FMNL3: variants seen among roughly 807,000 people sequenced by gnomAD.
The protein encoded by FMNL3 is formin like 3, also known as formin-like protein 3.
FMNL3 carries 57 observed loss-of-function variants against 119.6 expected under a neutral mutation model. The ratio of observed to expected loss-of-function variants is 0.48; its 90% CI spans 0.39 to 0.59. The LOEUF (loss-of-function observed/expected upper bound fraction) is 0.59. FMNL3 is among the 20% of genes least tolerant of loss of function. FMNL3 has a pLI of 0.00. For synonymous variants in FMNL3, 491 were observed against 507.3 expected, an observed-to-expected ratio of 0.97 and a Z score of 0.43; for missense variants, 1,053 against 1,323.5, an observed-to-expected ratio of 0.80 and a Z score of 3.17.
chr12:49,648,011 C>T (rs550059435), intron 22 of FMNL3, among the ~76,000 whole-genome samples, 182 bp downstream of exon 22: 8 of 152,056 alleles, frequency 5.3e-5, no homozygotes, highest in Non-Finnish European at 7.4e-5. Context: ...ACTCCCAAAG[C>T]GCTCTCTCTC....
chr12:49,639,813 G>A lies in FMNL3; in HGVS notation c.*6002C>T, dbSNP rs1322694670. On this transcript the variant is annotated 3_prime_UTR_variant, in exon 26 of 26. Coordinates refer to ENST00000335154, the MANE Select transcript of FMNL3 (RefSeq NM_175736.5). ...AGTGGATGATGGCACTATTGATAAG[G>A]ATAAAACAAGAAGAGCAAGGCTGTA... 6.6e-6 allele frequency: 1 copy of A among 152,194 alleles called. No individual in the cohort carries two copies. The highest frequency in any genetic ancestry group is 1.9e-4 in the East Asian group (1 of 5,200). The allele number at this position is 152,194 out of a possible 1,614,324, so 9.4% of individuals were successfully genotyped here.
chr12:49,636,790 C>T lies in FMNL3; in HGVS notation c.*9025G>A, dbSNP rs374081725. 3.0e-5 allele frequency: 49 copies of T among 1,614,062 alleles called. 1 individual carries two copies. In the South Asian group the frequency reaches 3.4e-4, roughly 11 times the overall value. ...TTTGGAGAGGGAAGAGGAGGAGGAACGGGAGCGGGCCCGGCTTCGGGAGCG... is the reference window on the plus strand; with the variant it reads ...TTTGGAGAGGGAAGAGGAGGAGGAATGGGAGCGGGCCCGGCTTCGGGAGCG... On this transcript the variant is annotated 3_prime_UTR_variant, in exon 26 of 26. Coordinates refer to ENST00000335154, the MANE Select transcript of FMNL3 (RefSeq NM_175736.5).
At chr12:49,698,930 G>C (rs1944827758) in intron 1 of FMNL3, among the ~76,000 whole-genome samples, 1 of 152,302 alleles carries the variant, frequency 6.6e-6, no homozygotes, top group African/African-American at 2.4e-5. Context: ...CTCACCTGCT[G>C]CTATTCAGAA....
At chr12:49,661,629 A>C in intron 5 of FMNL3, 1 of 251,282 alleles carries the variant, frequency 4.0e-6, no homozygotes, top group Non-Finnish European at 7.7e-6. Context: ...GATCCCACCA[A>C]GGCATCTCTA....
Position 49,642,545 on chromosome 12 carries a change from G to A in FMNL3, c.*3270C>T, listed in dbSNP as rs1383597983. ...CGGTGTCCAGGCCAGGCTGAGTGGG[G>A]CCTAGTCTGATCAGCAGTGCTCTCC... On this transcript the variant is annotated 3_prime_UTR_variant, in exon 26 of 26. Transcript: ENST00000335154. This position sits in a 1 kb window ranked among gnomAD's most constrained non-coding sequence, Gnocchi z 5.8. 1.2e-6 allele frequency: 2 copies of A among 1,610,900 alleles called. No individual in the cohort carries two copies. The highest frequency in any genetic ancestry group is 3.3e-5 in the Admixed American group (2 of 59,980).
At chr12:49,682,992 G>A (rs1156490637) in intron 1 of FMNL3, among the ~76,000 whole-genome samples, 1 of 152,258 alleles carries the variant, frequency 6.6e-6, no homozygotes, top group Non-Finnish European at 1.5e-5. Context: ...TATCTCTAGT[G>A]TTCCCGCCTC....
chr12:49,686,108 T>C lies in FMNL3; in HGVS notation c.127-17554A>G, dbSNP rs117229263. Among the ~76,000 whole-genome samples, 199 of 151,810 alleles carry C rather than the reference T, an allele frequency of 1.3e-3. 2 individuals are homozygous for C. In the East Asian group the frequency reaches 0.029, roughly 22 times the overall value. On this transcript the variant is annotated intron_variant, in intron 1 of 25. Coordinates refer to ENST00000335154, the MANE Select transcript of FMNL3 (RefSeq NM_175736.5). ...AAATTCTATTTAAAATGTTTTGGTT[T>C]TTGGAAGGGGAGGGTTTGAGACAGG...
intron 1 of FMNL3, among the ~76,000 whole-genome samples, chr12:49,687,211 A>C (rs776620193): frequency 2.1e-4 from 31 of 150,338 alleles, no homozygotes; most frequent in Non-Finnish European, 4.0e-4. Context: ...CTGCTGCCTC[A>C]GCCTCCCAAG....
In FMNL3 at chr12:49,643,061, T is replaced by C. The variant is rs1401996349; in HGVS notation, c.*2754A>G. 1 of 1,605,648 alleles carries C rather than the reference T, an allele frequency of 6.2e-7. No individual in the cohort carries two copies. Among genetic ancestry groups the C allele is most frequent in the Non-Finnish European group, 8.5e-7 (1 of 1,173,326 alleles). ...GGACATGGGGTGAAGCTGGGTTGTT[T>C]TGGGGAAATAAACACTTTGTTTTCC... is the stretch of plus-strand genomic sequence containing the variant. On this transcript the variant is annotated 3_prime_UTR_variant, in exon 26 of 26. Coordinates refer to ENST00000335154, the MANE Select transcript of FMNL3 (RefSeq NM_175736.5).
intron 4 of FMNL3, among the ~76,000 whole-genome samples, chr12:49,665,491 G>A (rs1170827797): frequency 6.6e-6 from 1 of 152,158 alleles, no homozygotes; most frequent in Non-Finnish European, 1.5e-5. Flanking sequence ...CCCACCCTCA[G>A]CCTTCTCTGA....
chr12:49,693,408 C>T lies in FMNL3; in HGVS notation c.126+13647G>A, dbSNP rs200498550. Among the ~76,000 whole-genome samples, 11 of 151,468 alleles carry T rather than the reference C, an allele frequency of 7.3e-5. No homozygotes were observed. The East Asian group carries it at 1.9e-3, about 27-fold the overall frequency. On this transcript the variant is annotated intron_variant, in intron 1 of 25. Transcript: ENST00000335154. ...TGTTGTTTTTTTTTTGAGATAGTCT[C>T]GCTCTGTCACCCAGGCTGGAGTACA...
Position 49,657,967 on chromosome 12 carries a change from G to A in FMNL3, c.605+475C>T, listed in dbSNP as rs550215291. On this transcript the variant is annotated intron_variant, in intron 6 of 25. Coordinates refer to ENST00000335154, the MANE Select transcript of FMNL3 (RefSeq NM_175736.5). ...AGCATGTGGCAGCCTCAGAGAGAAA[G>A]GCCTGAAGGAAGAGGTGAAGGGAAT... is the stretch of plus-strand genomic sequence containing the variant. Among the ~76,000 whole-genome samples, 5 of 152,266 alleles carry A rather than the reference G, an allele frequency of 3.3e-5. No homozygotes were observed. In the South Asian group the frequency reaches 1.0e-3, roughly 32 times the overall value.
rs759590657 is a variant in FMNL3, at chr12:49,645,773, T to C, written c.*42A>G. ...ATTCCAGGTCCACTGGTTGGACTTG[T>C]AGGACTCTGAGGGGTGAAGTGCTTC... On this transcript the variant is annotated 3_prime_UTR_variant, in exon 26 of 26. Coordinates refer to ENST00000335154, the MANE Select transcript of FMNL3 (RefSeq NM_175736.5). 9.0e-6 allele frequency: 14 copies of C among 1,548,240 alleles called. No homozygotes were observed. The highest frequency in any genetic ancestry group is 1.7e-4 in the Middle Eastern group (1 of 5,878).
At chr12:49,668,172 G>GC (rs1369685584) in intron 2 of FMNL3, among the ~76,000 whole-genome samples, 2 of 152,166 alleles carry the variant, frequency 1.3e-5, no homozygotes, top group Non-Finnish European at 2.9e-5. Flanking sequence ...ACCCTACCGG[G>GC]CATAGCCCTG....
chr12:49,673,929 A>C (rs1479195450), intron 1 of FMNL3, among the ~76,000 whole-genome samples: 3 of 152,250 alleles, frequency 2.0e-5, no homozygotes, highest in Non-Finnish European at 4.4e-5. Flanking sequence ...GTTTGATCAA[A>C]GGTCCAAGAG....
At position 49,647,783 on chromosome 12, in the gene FMNL3, G is replaced by A. The variant is rs746495446; in HGVS notation, c.2698C>T (p.Arg900Cys). 3.2e-5 allele frequency: 51 copies of A among 1,613,330 alleles called. No homozygotes were observed. The Middle Eastern group carries it at 8.2e-4, about 26-fold the overall frequency. The change falls in exon 23 of 26, where the codon CGC (arginine) becomes TGC (cysteine). Residue 900 changes from arginine (R) to cysteine (C), a missense_variant. Arg to Cys is a radical substitution (Grantham distance 180). This residue lies in a region of FMNL3 where 324 missense variants were observed against 380.9 expected (regional missense o/e 0.85). Coordinates refer to ENST00000335154, the MANE Select transcript of FMNL3 (RefSeq NM_175736.5). The surrounding 1 kb of genome is among the most constrained non-coding windows in gnomAD (Gnocchi z 4.9). Reference protein sequence around the residue: ...TAEEAYNAVVRYFGESPKTTP... With the variant: ...TAEEAYNAVVCYFGESPKTTP... ...GTCTTGGGACTCTCGCCAAAGTAGC[G>A]CACAACTGCATTGTAGGCCTCCTGG...
chr12:49,669,217 C>G (rs1018657918), intron 1 of FMNL3, among the ~76,000 whole-genome samples: 4 of 152,168 alleles, frequency 2.6e-5, no homozygotes, highest in Non-Finnish European at 5.9e-5. Flanking sequence ...CACAAAAGTA[C>G]CAGACTTTAA....
intron 1 of FMNL3, among the ~76,000 whole-genome samples, chr12:49,675,433 C>G (rs1047106680): frequency 6.6e-6 from 1 of 152,192 alleles, no homozygotes; most frequent in African/African-American, 2.4e-5. Context: ...CTCCCTGCAG[C>G]CAACCAACGA....
At chr12:49,672,112 T>C (rs1433132356) in intron 1 of FMNL3, among the ~76,000 whole-genome samples, 1 of 152,216 alleles carries the variant, frequency 6.6e-6, no homozygotes, top group Non-Finnish European at 1.5e-5. Context: ...TGTGTCATGT[T>C]CTGATGTCCG....
Sources: allele counts gnomAD v4.1 joint callset (sites outside exome capture counted in the v4.1 genomes callset), GRCh38; gene constraint gnomAD v4.1.1; regional missense constraint gnomAD v4.1.1; non-coding constraint Gnocchi (gnomAD v3.1); transcripts MANE v1.5; gene names NCBI Gene and HGNC (gene_info 2026-07-23, HGNC 2026-07-21).